TBCA: variants seen among roughly 807,000 people sequenced by gnomAD.
TBCA encodes tubulin-specific chaperone A.
A neutral mutation model predicts 15.8 loss-of-function variants in TBCA; 6 were observed. The observed-to-expected ratio is 0.38, with a 90% confidence interval of 0.21 to 0.75. TBCA has a LOEUF of 0.75. TBCA is among the 30% of genes least tolerant of loss of function. The probability of loss-of-function intolerance (pLI) is 0.46; values close to 1 mark genes in which losing one functional copy is unlikely to be tolerated. For synonymous variants in TBCA, 32 were observed against 42.3 expected (o/e 0.76, Z 0.94); for missense variants, 90 against 131.2 (o/e 0.69, Z 1.53).
intron 2 of TBCA, among the ~76,000 whole-genome samples, chr5:77,701,977 A>G (rs1175752176): frequency 6.6e-6 from 1 of 151,884 alleles, no homozygotes; most frequent in African/African-American, 2.4e-5. Context: ...TATAAGTGGG[A>G]GCTAAGCTAT....
At chr5:77,715,336 C>A in intron 1 of TBCA, 1 of 700,792 alleles carries the variant, frequency 1.4e-6, no homozygotes, top group Non-Finnish European at 2.6e-6. Context: ...AAAATACATC[C>A]CAAGGTTAAC....
At chr5:77,725,589 A>G (rs948286047) in intron 1 of TBCA, among the ~76,000 whole-genome samples, 7 of 152,230 alleles carry the variant, frequency 4.6e-5, no homozygotes, top group Non-Finnish European at 7.3e-5. Context: ...GCACGACAAC[A>G]AAGAATTCAT....
intron 1 of TBCA, among the ~76,000 whole-genome samples, chr5:77,729,085 G>A (rs1254384595): frequency 2.6e-5 from 4 of 152,030 alleles, no homozygotes; most frequent in East Asian, 1.9e-4. Flanking sequence ...AGGCCGAGGC[G>A]AGTGGATCAC....
chr5:77,696,722 G>A (rs564447769), intron 2 of TBCA, among the ~76,000 whole-genome samples: 30 of 152,268 alleles, frequency 2.0e-4, no homozygotes, highest in African/African-American at 6.3e-4. Flanking sequence ...AGTAGTTTGC[G>A]ACCAGCCTGG....
chr5:77,748,259 A>C (rs1196745755), intron 1 of TBCA, among the ~76,000 whole-genome samples: 1 of 152,192 alleles, frequency 6.6e-6, no homozygotes, highest in Non-Finnish European at 1.5e-5. Context: ...ACTGTAATGT[A>C]GTAATATGGA....
intron 2 of TBCA, among the ~76,000 whole-genome samples, chr5:77,696,374 G>C (rs1745871208): frequency 6.6e-6 from 1 of 152,094 alleles, no homozygotes; most frequent in Admixed American, 6.6e-5. Context: ...TATCTGACTT[G>C]TATTTTGTGG....
At chr5:77,691,824 T>C (rs3776919) in intron 3 of TBCA, 54,093 of 1,022,416 alleles carry the variant, frequency 0.053, 1,792 homozygotes, top group African/African-American at 0.14. Context: ...ATCATCATCA[T>C]ACAAAAGAGA....
rs148306244 is a variant in TBCA at position 77,738,646 on chromosome 5, G to A, written c.54-30299C>T. 3.2e-4 allele frequency among the ~76,000 whole-genome samples: 48 copies of A among 152,250 alleles called. No individual in the cohort carries two copies. In the East Asian group the frequency reaches 7.9e-3, roughly 25 times the overall value. On this transcript the variant is annotated intron_variant, in intron 1 of 3. Coordinates refer to ENST00000380377, the MANE Select transcript of TBCA (RefSeq NM_004607.3). ...CACCCAGGCTGGAGTGTGGTGGTGC[G>A]ATCTTGGCTCACTGCAACCTCCGCC...
At chr5:77,723,867 T>C (rs1422254251) in intron 1 of TBCA, among the ~76,000 whole-genome samples, 3 of 152,030 alleles carry the variant, frequency 2.0e-5, no homozygotes, top group Non-Finnish European at 4.4e-5. Context: ...ATGATGTGTG[T>C]GGGAGAATGT....
chr5:77,711,242 G>T (rs780922194), intron 1 of TBCA, among the ~76,000 whole-genome samples: 1 of 152,112 alleles, frequency 6.6e-6, no homozygotes, highest in Non-Finnish European at 1.5e-5. Flanking sequence ...TATCATGTAT[G>T]GCTGTTTTCA....
At chr5:77,772,987 T>C (rs1747947364) in intron 1 of TBCA, among the ~76,000 whole-genome samples, 1 of 152,194 alleles carries the variant, frequency 6.6e-6, no homozygotes, top group African/African-American at 2.4e-5. Context: ...CAAGGTCATA[T>C]AAGTAAATGA....
Position 77,693,325 on chromosome 5 carries a change from T to C in TBCA, c.187A>G (p.Met63Val), listed in dbSNP as rs1745799123. The C allele has an allele frequency of 6.2e-7, 1 of 1,612,878 alleles. No individual in the cohort carries two copies. Among genetic ancestry groups the C allele is most frequent in the Admixed American group, 1.7e-5 (1 of 59,720 alleles). The change falls in exon 3 of 4, where the codon ATG (methionine) becomes GTG (valine). Residue 63 changes from methionine (M) to valine (V), a missense_variant. Physicochemically the swap from Met to Val is conservative, Grantham distance 21. Transcript: ENST00000380377. ...QAEILQESRM[M>V]IPDCQRRLEA... ...AACCTGCGCTGGCAATCTGGGATCA[T>C]CATCCTGGATTCTTGTAGGATCTCT...
intron 1 of TBCA, among the ~76,000 whole-genome samples, chr5:77,770,436 C>G (rs188306203): frequency 1.3e-5 from 2 of 152,272 alleles, no homozygotes; most frequent in Non-Finnish European, 2.9e-5. Flanking sequence ...GCTATGTTAG[C>G]TAGTTACAGA....
chr5:77,744,368 C>T (rs1747121277), intron 1 of TBCA, among the ~76,000 whole-genome samples: 1 of 151,842 alleles, frequency 6.6e-6, no homozygotes, highest in African/African-American at 2.4e-5. Context: ...AAAGGACAGC[C>T]CTCCCTGCCC....
At chr5:77,705,629 A>G (rs1382671492) in intron 2 of TBCA, 2 of 398,262 alleles carry the variant, frequency 5.0e-6, no homozygotes, top group African/African-American at 2.1e-5. Context: ...GGAGTTGAAG[A>G]CCAGCCTAAA....
intron 2 of TBCA, among the ~76,000 whole-genome samples, chr5:77,695,611 T>C (rs964484558): frequency 2.0e-5 from 3 of 152,158 alleles, no homozygotes; most frequent in African/African-American, 7.2e-5. Flanking sequence ...ACACAGTATA[T>C]GAGGTGTGAT....
intron 1 of TBCA, among the ~76,000 whole-genome samples, chr5:77,730,684 T>C (rs1331973637): frequency 6.6e-6 from 1 of 152,028 alleles, no homozygotes; most frequent in Non-Finnish European, 1.5e-5. Flanking sequence ...TTGGAACCTT[T>C]CCACTATATC....
At chr5:77,746,820 C>T (rs1280286681) in intron 1 of TBCA, among the ~76,000 whole-genome samples, 5 of 152,110 alleles carry the variant, frequency 3.3e-5, no homozygotes, top group Non-Finnish European at 5.9e-5. Flanking sequence ...AAATCGTATA[C>T]ATCATAACAT....
chr5:77,743,958 C>T (rs892763759), intron 1 of TBCA, among the ~76,000 whole-genome samples: 2 of 152,120 alleles, frequency 1.3e-5, no homozygotes, highest in African/African-American at 4.8e-5. Context: ...ACTGTGTGGA[C>T]CATCCAGATT....
Sources: allele counts gnomAD v4.1 joint callset (sites outside exome capture counted in the v4.1 genomes callset), GRCh38; gene constraint gnomAD v4.1.1; transcripts MANE v1.5; gene names NCBI Gene and HGNC (gene_info 2026-07-23, HGNC 2026-07-21).